Variants in ZEB1 observed in about 807,000 individuals in gnomAD.
ZEB1 encodes zinc finger E-box-binding homeobox 1.
Under a neutral mutation model 84.9 loss-of-function variants are expected in ZEB1, and 21 were observed. That is an observed-to-expected ratio of 0.25 (90% CI 0.18 to 0.36). The LOEUF is 0.36. Ranked by LOEUF, ZEB1 falls within the 10% of genes least tolerant of loss-of-function variation. ZEB1 has a pLI of 1.00. For missense variants in ZEB1, 1,104 were observed against 1,330.2 expected (o/e 0.83, Z 2.65); for synonymous variants, 420 against 471.1 (o/e 0.89, Z 1.41).
intron 1 of ZEB1, among the ~76,000 whole-genome samples, chr10:31,396,179 T>G (rs2050685605): frequency 6.6e-6 from 1 of 152,210 alleles, no homozygotes; most frequent in Admixed American, 6.5e-5. Flanking sequence ...ATCAGTATTT[T>G]CAGAAACCAT....
At chr10:31,433,289 C>A (rs2057940124) in intron 1 of ZEB1, among the ~76,000 whole-genome samples, 1 of 152,192 alleles carries the variant, frequency 6.6e-6, no homozygotes, top group Non-Finnish European at 1.5e-5. Context: ...CAGCACCAAT[C>A]TCTTCAGAAG....
intron 1 of ZEB1, chr10:31,360,810 A>G: frequency 1.5e-6 from 1 of 674,082 alleles, no homozygotes; most frequent in Non-Finnish European, 2.6e-6. Context: ...TCATATATAC[A>G]CTTAAAGTAA....
At chr10:31,466,575 C>T (rs2062448287) in intron 2 of ZEB1, among the ~76,000 whole-genome samples, 1 of 152,008 alleles carries the variant, frequency 6.6e-6, no homozygotes, top group African/African-American at 2.4e-5. Flanking sequence ...AAAATGGAAA[C>T]ATAACATACC....
intron 1 of ZEB1, among the ~76,000 whole-genome samples, chr10:31,375,756 C>T (rs764920089): frequency 1.3e-5 from 2 of 151,184 alleles, no homozygotes; most frequent in Non-Finnish European, 3.0e-5. Flanking sequence ...ATTGGAAGTT[C>T]GAATGAGAAA....
rs186093081 is a variant in ZEB1 at position 31,363,651 on chromosome 10, T to G, written c.58+44359T>G. On this transcript the variant is annotated intron_variant, in intron 1 of 8. Transcript: ENST00000424869. ...TCACCTGATCATCTAATGAAGGAAGTTGAAGGTTAAACTTGCCTCTGAGAC... is the reference window on the plus strand; with the variant it reads ...TCACCTGATCATCTAATGAAGGAAGGTGAAGGTTAAACTTGCCTCTGAGAC... The G allele has an allele frequency of 2.3e-4, 334 of 1,455,814 alleles. No individual in the cohort carries two copies. In the East Asian group the frequency reaches 8.2e-3, roughly 36 times the overall value. 90.2% of individuals were successfully genotyped at this position (1,455,814 alleles called of 1,614,324 possible).
intron 1 of ZEB1, among the ~76,000 whole-genome samples, chr10:31,442,258 G>C (rs2059102591): frequency 6.6e-6 from 1 of 152,072 alleles, no homozygotes; most frequent in African/African-American, 2.4e-5. Context: ...GTCCTTTGTA[G>C]GGACATGGAT....
chr10:31,430,389 A>G (rs2057572896), intron 1 of ZEB1, among the ~76,000 whole-genome samples: 1 of 152,190 alleles, frequency 6.6e-6, no homozygotes, highest in African/African-American at 2.4e-5. Flanking sequence ...CTCCCATTAT[A>G]TGTGAGGAAA....
chr10:31,449,672 C>T (rs993341088), intron 1 of ZEB1, among the ~76,000 whole-genome samples: 1 of 152,104 alleles, frequency 6.6e-6, no homozygotes, highest in African/African-American at 2.4e-5. Flanking sequence ...TGTAATAGTA[C>T]AAATCTATTT....
intron 3 of ZEB1, among the ~76,000 whole-genome samples, chr10:31,499,020 GT>G (rs575718639): frequency 1.2e-3 from 184 of 152,070 alleles, no homozygotes; most frequent in African/African-American, 4.2e-3. Context: ...GAGTTGCTCA[GT>G]TTTTATGCAT....
intron 1 of ZEB1, among the ~76,000 whole-genome samples, chr10:31,338,473 C>T (rs1435920854): frequency 6.6e-6 from 1 of 152,132 alleles, no homozygotes; most frequent in Non-Finnish European, 1.5e-5. Flanking sequence ...TGCACTTAAC[C>T]ACTAAGCTGT....
intron 1 of ZEB1, among the ~76,000 whole-genome samples, chr10:31,408,042 A>G (rs1017389322): frequency 2.6e-4 from 40 of 151,842 alleles, no homozygotes; most frequent in African/African-American, 9.4e-4. Context: ...CAACTTCAGC[A>G]AAGTCTCAGG....
intron 1 of ZEB1, chr10:31,363,559 T>A: frequency 2.0e-6 from 3 of 1,527,768 alleles, no homozygotes; most frequent in Non-Finnish European, 2.6e-6. Flanking sequence ...CTCTACCTGG[T>A]CTTTCACCTC....
chr10:31,339,605 TA>T (rs1206183959), intron 1 of ZEB1, among the ~76,000 whole-genome samples: 1 of 151,874 alleles, frequency 6.6e-6, no homozygotes, highest in Non-Finnish European at 1.5e-5. Flanking sequence ...CCTTCTCTAC[TA>T]AAAATACAAA....
intron 1 of ZEB1, among the ~76,000 whole-genome samples, chr10:31,343,967 A>T (rs1366495973): frequency 6.6e-6 from 1 of 152,036 alleles, no homozygotes; most frequent in Admixed American, 6.6e-5. Context: ...TTTTTCTATT[A>T]TAGAGGTTTC....
chr10:31,510,618 T>C lies in ZEB1; in HGVS notation c.485-55T>C, dbSNP rs2069811096. 3 of 1,481,594 alleles carry C rather than the reference T, an allele frequency of 2.0e-6. No homozygotes were observed. In the Admixed American group the frequency reaches 5.1e-5, roughly 25 times the overall value. The allele number at this position is 1,481,594 out of a possible 1,614,324, so 91.8% of individuals were successfully genotyped here. On this transcript the variant is annotated intron_variant, in intron 4 of 8. Coordinates refer to ENST00000424869, the MANE Select transcript of ZEB1 (RefSeq NM_001174096.2). ...ATAGCATAGGGACTCAGTGGAAACT[T>C]TGGTAATATTTTCTGAATGTTTTAA...
intron 1 of ZEB1, among the ~76,000 whole-genome samples, chr10:31,373,974 C>G (rs2046178396): frequency 6.6e-6 from 1 of 151,556 alleles, no homozygotes; most frequent in African/African-American, 2.4e-5. Context: ...GCATCTGTGT[C>G]CAATCAGATC....
chr10:31,386,094 A>G (rs914241916), intron 1 of ZEB1, among the ~76,000 whole-genome samples: 1 of 152,022 alleles, frequency 6.6e-6, no homozygotes, highest in Admixed American at 6.6e-5. Context: ...CACTTTATTT[A>G]TATCGATCTA....
chr10:31,404,092 A>T (rs1267173996), intron 1 of ZEB1, among the ~76,000 whole-genome samples: 8 of 152,082 alleles, frequency 5.3e-5, no homozygotes, highest in African/African-American at 1.9e-4. Flanking sequence ...TTGGAAATTT[A>T]AAAAATAGTA....
At chr10:31,429,302 T>A (rs2057378187) in intron 1 of ZEB1, among the ~76,000 whole-genome samples, 1 of 152,156 alleles carries the variant, frequency 6.6e-6, no homozygotes, top group Non-Finnish European at 1.5e-5. Context: ...AGGATCTTGT[T>A]TTTCCTTCAC....
Sources: gnomAD v4.1 joint callset for allele counts (sites outside exome capture counted in the v4.1 genomes callset) on GRCh38, gnomAD v4.1.1 for gene constraint, MANE v1.5 for transcripts, NCBI Gene and HGNC (gene_info 2026-07-23, HGNC 2026-07-21) for gene names.